The following GALNTL6 variants were observed in gnomAD, a reference collection of about 807,000 sequenced individuals.
GALNTL6 encodes the protein polypeptide N-acetylgalactosaminyltransferase like 6.
A neutral mutation model predicts 73.7 loss-of-function variants in GALNTL6; 46 were observed. The observed-to-expected ratio is 0.62, with a 90% CI of 0.49 to 0.80. GALNTL6 has a LOEUF of 0.80. Ranked by LOEUF, GALNTL6 falls within the 30% of genes least tolerant of loss-of-function variation. The pLI is 0.00. For missense variants in GALNTL6, 604 were observed against 755.0 expected, an observed-to-expected ratio of 0.80 and a Z score of 2.34; for synonymous variants, 259 against 263.7, an observed-to-expected ratio of 0.98 and a Z score of 0.17.
intron 5 of GALNTL6, among the ~76,000 whole-genome samples, chr4:172,755,439 A>G (rs751762772): frequency 1.6e-4 from 24 of 152,208 alleles, no homozygotes; most frequent in Admixed American, 3.3e-4. Context: ...TGTATCACAA[A>G]CATCAGATAA....
At chr4:172,498,688 A>G (rs899875546) in intron 5 of GALNTL6, among the ~76,000 whole-genome samples, 2 of 152,194 alleles carry the variant, frequency 1.3e-5, no homozygotes, top group Non-Finnish European at 2.9e-5. Context: ...ACATAATTAC[A>G]TTATATAAGG....
intron 5 of GALNTL6, among the ~76,000 whole-genome samples, chr4:172,390,177 T>C (rs1743610585): frequency 6.6e-6 from 1 of 152,206 alleles, no homozygotes; most frequent in African/African-American, 2.4e-5. Context: ...TAGGGGCCTA[T>C]TGTTTAATAT....
At chr4:172,416,897 C>T (rs1466052382) in intron 5 of GALNTL6, among the ~76,000 whole-genome samples, 4 of 151,990 alleles carry the variant, frequency 2.6e-5, no homozygotes, top group Admixed American at 1.3e-4. Flanking sequence ...TGTATAAAAA[C>T]GGGGTAATTG....
chr4:172,571,780 G>A (rs1395845963), intron 5 of GALNTL6, among the ~76,000 whole-genome samples: 1 of 152,170 alleles, frequency 6.6e-6, no homozygotes, highest in African/African-American at 2.4e-5. Context: ...TTATGTGGCA[G>A]TTCTCTATGG....
chr4:172,696,780 T>C lies in GALNTL6; in HGVS notation c.554-112581T>C, dbSNP rs185300215. ...AACCCAGTCTCTGGTATGTCTTTAT[T>C]AGCAGCGTGAGAACAGACTAATACA... is the stretch of plus-strand genomic sequence containing the variant. On this transcript the variant is annotated intron_variant, in intron 5 of 12. Coordinates refer to ENST00000506823, the MANE Select transcript of GALNTL6 (RefSeq NM_001034845.3). 3.4e-3 allele frequency among the ~76,000 whole-genome samples: 516 copies of C among 152,328 alleles called. 4 individuals carry two copies. Among genetic ancestry groups the C allele is most frequent in the African/African-American group, 0.012 (485 of 41,576 alleles).
intron 5 of GALNTL6, among the ~76,000 whole-genome samples, chr4:172,433,278 A>G (rs1478734841): frequency 6.6e-6 from 1 of 152,026 alleles, no homozygotes; most frequent in African/African-American, 2.4e-5. Context: ...GCATTTTTTT[A>G]ATGGAAAGAA....
At chr4:172,656,175 C>G (rs1011626253) in intron 5 of GALNTL6, among the ~76,000 whole-genome samples, 2 of 152,070 alleles carry the variant, frequency 1.3e-5, no homozygotes, top group African/African-American at 4.8e-5. Flanking sequence ...AAATCTGTCT[C>G]CCTGAGCGAG....
At chr4:172,578,266 C>T (rs145443775) in intron 5 of GALNTL6, among the ~76,000 whole-genome samples, 4 of 152,280 alleles carry the variant, frequency 2.6e-5, no homozygotes, top group South Asian at 4.1e-4. Flanking sequence ...ATTATCAGCT[C>T]TTTCAATAAT....
chr4:171,986,316 G>A (rs1288763062), intron 2 of GALNTL6, among the ~76,000 whole-genome samples: 1 of 151,960 alleles, frequency 6.6e-6, no homozygotes, highest in Non-Finnish European at 1.5e-5. Flanking sequence ...GTCACAAGGT[G>A]CTCAGTAGGG....
chr4:171,920,834 T>A (rs1169396324), intron 2 of GALNTL6, among the ~76,000 whole-genome samples: 1 of 152,118 alleles, frequency 6.6e-6, no homozygotes, highest in Admixed American at 6.6e-5. Context: ...ATGAAAAGCA[T>A]CTCTATCCAT....
chr4:172,600,119 A>G (rs966370022), intron 5 of GALNTL6, among the ~76,000 whole-genome samples: 3 of 152,020 alleles, frequency 2.0e-5, no homozygotes, highest in Non-Finnish European at 2.9e-5. Context: ...TCTTTTTTTC[A>G]TTATAAAATG....
chr4:172,787,558 C>G (rs1739730876), intron 5 of GALNTL6, among the ~76,000 whole-genome samples: 1 of 152,160 alleles, frequency 6.6e-6, no homozygotes, highest in Non-Finnish European at 1.5e-5. Context: ...AGCAAAGGTT[C>G]CCACTATTTG....
chr4:172,140,226 G>A (rs1169769838), intron 2 of GALNTL6, among the ~76,000 whole-genome samples: 1 of 151,888 alleles, frequency 6.6e-6, no homozygotes, highest in African/African-American at 2.4e-5. Flanking sequence ...GCAGCTACAT[G>A]TTGCAGAAAA....
At chr4:172,173,105 C>G (rs2110826994) in intron 2 of GALNTL6, among the ~76,000 whole-genome samples, 1 of 152,254 alleles carries the variant, frequency 6.6e-6, no homozygotes, top group African/African-American at 2.4e-5. Flanking sequence ...CTCTGTAAGA[C>G]ACTATTCTTA....
intron 5 of GALNTL6, among the ~76,000 whole-genome samples, chr4:172,390,641 A>T (rs542430186): frequency 3.3e-5 from 5 of 152,166 alleles, no homozygotes; most frequent in African/African-American, 1.2e-4. Context: ...AGTGTTACCT[A>T]TGGTTTTGGA....
chr4:173,004,281 C>T (rs1752176239), intron 10 of GALNTL6, among the ~76,000 whole-genome samples: 1 of 152,122 alleles, frequency 6.6e-6, no homozygotes, highest in Non-Finnish European at 1.5e-5. Flanking sequence ...CTGTGTTACC[C>T]TAGTGTCTTC....
At chr4:172,685,994 T>A (rs1397819113) in intron 5 of GALNTL6, among the ~76,000 whole-genome samples, 2 of 152,162 alleles carry the variant, frequency 1.3e-5, no homozygotes, top group African/African-American at 4.8e-5. Flanking sequence ...AGAGATTACT[T>A]GAGAGTAATC....
intron 2 of GALNTL6, among the ~76,000 whole-genome samples, chr4:172,180,392 A>C (rs1234041039): frequency 1.3e-5 from 2 of 151,540 alleles, no homozygotes; most frequent in Admixed American, 1.3e-4. Context: ...GCCATTCTGT[A>C]GGTTTCCTGT....
chr4:172,380,295 C>T, intron 5 of GALNTL6: 1 of 752,924 alleles, frequency 1.3e-6, no homozygotes. Context: ...TTAGGGGCTG[C>T]CATTGGGTAT....
Sources: gnomAD v4.1 joint callset for allele counts (sites outside exome capture counted in the v4.1 genomes callset) on GRCh38, gnomAD v4.1.1 for gene constraint, MANE v1.5 for transcripts, NCBI Gene and HGNC (gene_info 2026-07-23, HGNC 2026-07-21) for gene names.